Variants in RBBP7 observed in about 807,000 individuals in gnomAD.
RBBP7 encodes histone-binding protein RBBP7.
RBBP7 carries 5 observed loss-of-function variants against 35.2 expected under a neutral mutation model. That is an observed-to-expected ratio of 0.14 (90% CI 0.07 to 0.30). The LOEUF is 0.30. RBBP7 is among the 10% of genes least tolerant of loss of function. The pLI is 1.00. For missense variants in RBBP7, 155 were observed against 327.5 expected (o/e 0.47, Z 4.07); for synonymous variants, 140 against 118.7 (o/e 1.18, Z -1.17).
Position 16,852,540 on chromosome X carries a change from C to T in RBBP7, c.963+11G>A, listed in dbSNP as rs1427530262. 8.3e-7 allele frequency: 1 copy of T among 1,207,785 alleles called. No homozygotes were observed. The highest frequency in any genetic ancestry group is 1.8e-5 in the South Asian group (1 of 56,896). Reference sequence around the variant, plus strand: ...TTCCTGACATACAGACACCAGAAAACTGTCACATACCTGGAAAATTTCATC... The same window carrying T: ...TTCCTGACATACAGACACCAGAAAATTGTCACATACCTGGAAAATTTCATC... On this transcript the variant is annotated intron_variant, in intron 8 of 11. Coordinates refer to ENST00000380087, the MANE Select transcript of RBBP7 (RefSeq NM_002893.4).
chrX:16,852,260 C>T (rs757552080), intron 8 of RBBP7, 138 bp from the exon 9 acceptor site: 17 of 611,320 alleles, frequency 2.8e-5, no homozygotes, highest in South Asian at 8.6e-5. Context: ...CTCTTGTCCC[C>T]GACTTTCAAG....
chrX:16,857,430 C>T (rs1052389183), intron 5 of RBBP7, among the ~76,000 whole-genome samples, 164 bp downstream of exon 5: 1 of 111,825 alleles, frequency 8.9e-6, no homozygotes, highest in Non-Finnish European at 1.9e-5. Flanking sequence ...AAGACTCATA[C>T]AGGGCAGTAT....
chrX:16,859,104 A>C (rs1362327518), intron 3 of RBBP7, among the ~76,000 whole-genome samples: 1 of 112,815 alleles, frequency 8.9e-6, no homozygotes. Context: ...CTTGGATCTA[A>C]AACAACTGTC....
intron 6 of RBBP7, chrX:16,853,328 A>G (rs750619739): frequency 3.6e-5 from 6 of 167,753 alleles, no homozygotes; most frequent in Non-Finnish European, 6.7e-5. Flanking sequence ...CAATTTTGAT[A>G]TTTACCACCA....
Position 16,844,446 on chromosome X carries a change from T to C in RBBP7, c.*589A>G, listed in dbSNP as rs1930013735. On this transcript the variant is annotated 3_prime_UTR_variant, in exon 12 of 12. Coordinates refer to ENST00000380087, the MANE Select transcript of RBBP7 (RefSeq NM_002893.4). ...GCTTTTCAAAGACATTTTGTAGAGA[T>C]TTTTCACTAATGTGAATCTGATTTT... 1 of 112,176 alleles carries C rather than the reference T, an allele frequency of 8.9e-6. No individual in the cohort carries two copies. The highest frequency in any genetic ancestry group is 3.2e-5 in the African/African-American group (1 of 30,824). The allele number at this position is 112,176 out of a possible 1,213,427, so 9.2% of individuals were successfully genotyped here.
rs774966621 is a variant in RBBP7 at position 16,870,023 on chromosome X, C to G, written c.16+15G>C. 14 of 922,672 alleles carry G rather than the reference C, an allele frequency of 1.5e-5. No individual in the cohort carries two copies. The South Asian group carries it at 2.5e-4, about 17-fold the overall frequency. The allele number at this position is 922,672 out of a possible 1,213,427, so 76.0% of individuals were successfully genotyped here. On this transcript the variant is annotated intron_variant, in intron 1 of 11. Transcript: ENST00000380087. ...CCCGCGGCCCCGGCGCGCGCCGCCC[C>G]GCAGGGCCTCTTACTCTCTTTACTC...
At chrX:16,868,276 G>A (rs1031953991) in intron 2 of RBBP7, among the ~76,000 whole-genome samples, 3 of 111,731 alleles carry the variant, frequency 2.7e-5, no homozygotes, top group African/African-American at 9.8e-5. Context: ...AAAAGTACAT[G>A]GTCAAGTTCC....
intron 10 of RBBP7, chrX:16,846,395 CTATTA>C (rs2147511126): frequency 8.9e-6 from 1 of 112,388 alleles, no homozygotes; most frequent in South Asian, 3.7e-4. Flanking sequence ...ACATACTCTT[CTATTA>C]TACAAGGGGC....
intron 5 of RBBP7, among the ~76,000 whole-genome samples, chrX:16,857,126 G>A (rs959659697): frequency 2.7e-5 from 3 of 111,925 alleles, no homozygotes; most frequent in Non-Finnish European, 5.6e-5. Context: ...CTTACCAGGA[G>A]CTGGGGGAAG....
intron 2 of RBBP7, among the ~76,000 whole-genome samples, chrX:16,866,523 C>CAAAAAAAAAAAAAAAAAAAAAAAAAA (rs55729039): frequency 3.1e-5 from 1 of 32,592 alleles, no homozygotes; most frequent in Non-Finnish European, 4.9e-5. Context: ...GAGACTGTCT[C>CAAAAAAAAAAAAAAAAAAAAAAAAAA]AAAAAAAAAA....
At chrX:16,867,109 G>A (rs1435961099) in intron 2 of RBBP7, among the ~76,000 whole-genome samples, 1 of 111,810 alleles carries the variant, frequency 8.9e-6, no homozygotes, top group Non-Finnish European at 1.9e-5. Context: ...AACAGGAAGG[G>A]GTGGGAGAAT....
At chrX:16,845,974 A>G in intron 10 of RBBP7, 36 bp from the exon 11 acceptor site, 1 of 1,191,300 alleles carries the variant, frequency 8.4e-7, no homozygotes. Flanking sequence ...GATTTCATAT[A>G]CTCTCCTGTT....
intron 11 of RBBP7, 79 bp downstream of exon 11, chrX:16,845,749 G>T: frequency 8.9e-7 from 1 of 1,122,718 alleles, no homozygotes; most frequent in South Asian, 2.3e-5. Flanking sequence ...CTACATATTC[G>T]AAATAACTTT....
chrX:16,869,002 A>G, intron 2 of RBBP7, 74 bp downstream of exon 2: 3 of 1,114,589 alleles, frequency 2.7e-6, no homozygotes, highest in Non-Finnish European at 3.6e-6. Flanking sequence ...TGTTCTATGC[A>G]TAAAACGCCA....
chrX:16,864,040 T>TC (rs1930536096), intron 2 of RBBP7, among the ~76,000 whole-genome samples: 1 of 109,681 alleles, frequency 9.1e-6, no homozygotes, highest in African/African-American at 3.4e-5. Flanking sequence ...TTTTTTTTTT[T>TC]CTAAAAAGAT....
intron 6 of RBBP7, 75 bp from the exon 7 acceptor site, chrX:16,852,950 C>G: frequency 1.7e-6 from 2 of 1,192,340 alleles, no homozygotes; most frequent in Admixed American, 4.4e-5. Context: ...ACTGTCACTG[C>G]ACTCCACAAC....
Position 16,852,761 on chromosome X carries a change from G to C in RBBP7, c.873C>G (p.Gly291=), listed in dbSNP as rs755992987. The C allele has an allele frequency of 8.2e-7, 1 of 1,212,281 alleles. No homozygotes were observed. Among genetic ancestry groups the C allele is most frequent in the Admixed American group, 2.2e-5 (1 of 46,087 alleles). ...AAAACTTCGAAACCTTATCCGCAGA[G>C]CCGGTGGCTAGAATAAATTCGCTGT... ...NPYSEFILAT[G]SADKTVALWD... is the part of the protein sequence containing the mutation. The change falls in exon 7 of 12, where the codon GGC becomes GGG. Residue 291 remains glycine (G), a synonymous_variant. Transcript: ENST00000380087.
intron 3 of RBBP7, among the ~76,000 whole-genome samples, chrX:16,859,281 A>G (rs926646661): frequency 8.9e-6 from 1 of 112,392 alleles, no homozygotes; most frequent in Non-Finnish European, 1.9e-5. Context: ...AACCCTCCAC[A>G]GTATGAACAC....
At chrX:16,869,556 A>T (rs1930718188) in intron 1 of RBBP7, 1 of 1,164,693 alleles carries the variant, frequency 8.6e-7, no homozygotes, top group South Asian at 1.9e-5. Context: ...AGACAAATGC[A>T]CGTGTAGCAG....
Sources: allele counts gnomAD v4.1 joint callset (sites outside exome capture counted in the v4.1 genomes callset), GRCh38; gene constraint gnomAD v4.1.1; transcripts MANE v1.5; gene names NCBI Gene and HGNC (gene_info 2026-07-23, HGNC 2026-07-21).